The following MTRF1 variants were observed in gnomAD, a reference collection of about 807,000 sequenced individuals.
The protein encoded by MTRF1 is peptide chain release factor 1, mitochondrial.
MTRF1 carries 51 observed loss-of-function variants against 62.9 expected under a neutral mutation model. The observed-to-expected ratio is 0.81, with a 90% CI of 0.65 to 1.02. The LOEUF (loss-of-function observed/expected upper bound fraction) is 1.02, where lower values mean the gene tolerates loss of function less well. Among genes scored for constraint, MTRF1 ranks in the 50% least tolerant of loss-of-function variants. MTRF1 has a pLI of 0.00. For synonymous variants in MTRF1, 158 were observed against 181.9 expected (o/e 0.87, Z 1.06); for missense variants, 446 against 530.0 (o/e 0.84, Z 1.56).
chr13:41,242,455 T>C (rs542060554), intron 5 of MTRF1, among the ~76,000 whole-genome samples: 2 of 152,206 alleles, frequency 1.3e-5, no homozygotes, highest in Admixed American at 1.3e-4. Flanking sequence ...AAGAGAAAAA[T>C]AGTATTTGAA....
At chr13:41,269,740 A>AT in the MTRF1 span, among the ~76,000 whole-genome samples, 1 of 152,112 alleles carries the variant, frequency 6.6e-6, no homozygotes, top group Admixed American at 6.5e-5. Flanking sequence ...TCATTTACCT[A>AT]TTTTAGTTAT....
intron 5 of MTRF1, among the ~76,000 whole-genome samples, chr13:41,240,667 GTAAT>G (rs987481915): frequency 6.6e-6 from 1 of 152,070 alleles, no homozygotes; most frequent in African/African-American, 2.4e-5. Context: ...ATACCAAAAT[GTAAT>G]TAATTATAGG....
At chr13:41,268,392 G>A (rs569256706), upstream of MTRF1, among the ~76,000 whole-genome samples, 226 of 152,070 alleles carry the variant, frequency 1.5e-3, no homozygotes, top group Non-Finnish European at 1.8e-3. Context: ...GTCAAATATC[G>A]AAGGTTTAAA....
At chr13:41,252,080 A>G (rs1042063255) in intron 5 of MTRF1, among the ~76,000 whole-genome samples, 2 of 152,106 alleles carry the variant, frequency 1.3e-5, no homozygotes, top group African/African-American at 2.4e-5. Context: ...GGGTTTTGCC[A>G]TGTTGGCCAG....
the MTRF1 span, chr13:41,311,176 G>A: frequency 2.5e-6 from 1 of 397,100 alleles, no homozygotes; most frequent in Non-Finnish European, 4.5e-6. Context: ...TCCCCGCTAC[G>A]CCCCCGTAGT....
intron 3 of MTRF1, among the ~76,000 whole-genome samples, chr13:41,253,386 A>G (rs1417107164): frequency 2.0e-5 from 3 of 152,234 alleles, no homozygotes; most frequent in Non-Finnish European, 4.4e-5. Flanking sequence ...TAATGAATGA[A>G]GCAAGGCTTT....
chr13:41,236,751 A>G (rs1387316955), intron 6 of MTRF1: 1 of 152,260 alleles, frequency 6.6e-6, no homozygotes, highest in Non-Finnish European at 1.5e-5. Flanking sequence ...ATGTGTGGAT[A>G]TCATATGTCA....
At chr13:41,311,442 C>T in the MTRF1 span, 1 of 1,283,010 alleles carries the variant, frequency 7.8e-7, no homozygotes. Flanking sequence ...CTCTCAGCAG[C>T]GGTTCGTCCC....
intron 6 of MTRF1, among the ~76,000 whole-genome samples, chr13:41,239,889 G>A (rs530421969): frequency 3.9e-5 from 6 of 152,192 alleles, no homozygotes; most frequent in Admixed American, 2.6e-4. Context: ...GGCTGGGTGC[G>A]GTGGCTCACA....
chr13:41,246,066 G>A (rs993899927), intron 5 of MTRF1, among the ~76,000 whole-genome samples: 2 of 152,060 alleles, frequency 1.3e-5, no homozygotes, highest in African/African-American at 4.8e-5. Flanking sequence ...CATTATTGGA[G>A]AGCGTAAACC....
At chr13:41,305,058 A>T in the MTRF1 span, among the ~76,000 whole-genome samples, 2 of 152,362 alleles carry the variant, frequency 1.3e-5, no homozygotes, top group African/African-American at 4.8e-5. Context: ...TTTCCTAAAA[A>T]ATATCCAGCT....
At chr13:41,290,645 G>A in the MTRF1 span, among the ~76,000 whole-genome samples, 7 of 151,052 alleles carry the variant, frequency 4.6e-5, no homozygotes, top group Admixed American at 2.0e-4. Context: ...CGCCCACCTC[G>A]GCCTCCCAAA....
chr13:41,284,236 A>T, the MTRF1 span, among the ~76,000 whole-genome samples: 2 of 151,516 alleles, frequency 1.3e-5, no homozygotes, highest in Non-Finnish European at 2.9e-5. Context: ...CTGTAATCCC[A>T]GCACTTTGGG....
intron 8 of MTRF1, among the ~76,000 whole-genome samples, chr13:41,223,770 C>T (rs1453452439): frequency 6.6e-6 from 1 of 152,118 alleles, no homozygotes; most frequent in East Asian, 1.9e-4. Context: ...GCGGGAGAGA[C>T]CATCTTCAGT....
In MTRF1 at chr13:41,216,796, A is replaced by C. The variant is rs2031991645; in HGVS notation, c.*319T>G. 1 of 163,988 alleles carries C rather than the reference A, an allele frequency of 6.1e-6. No individual in the cohort carries two copies. The highest frequency in any genetic ancestry group is 2.4e-5 in the African/African-American group (1 of 41,960). The allele number at this position is 163,988 out of a possible 1,614,324, so 10.2% of individuals were successfully genotyped here. On this transcript the variant is annotated 3_prime_UTR_variant, in exon 10 of 10. Transcript: ENST00000379480. ...ATTAAAAATATATTTAAATTAATTCATAGATGGCTGGGGAAAAAAGGCATA... is the reference window on the plus strand; with the variant it reads ...ATTAAAAATATATTTAAATTAATTCCTAGATGGCTGGGGAAAAAAGGCATA...
upstream of MTRF1, among the ~76,000 whole-genome samples, chr13:41,267,518 T>G (rs2040854234): frequency 1.3e-5 from 2 of 152,196 alleles, no homozygotes; most frequent in African/African-American, 4.8e-5. Context: ...TCTCAGCTAT[T>G]GATTGTCTTT....
intron 7 of MTRF1, among the ~76,000 whole-genome samples, chr13:41,232,469 T>G (rs1293415220): frequency 6.6e-6 from 1 of 152,198 alleles, no homozygotes; most frequent in Non-Finnish European, 1.5e-5. Flanking sequence ...GGCATGAGTC[T>G]CTAAACTGAA....
the MTRF1 span, among the ~76,000 whole-genome samples, chr13:41,311,826 C>G: frequency 1.3e-5 from 2 of 152,350 alleles, no homozygotes; most frequent in South Asian, 4.1e-4. Context: ...CCGCCGCGCT[C>G]TTTCCAGAAA....
At position 41,249,540 on chromosome 13, in the gene MTRF1, C is replaced by CA. The variant is rs956842673; in HGVS notation, c.697+3104dup. ...TAGGTGACAGAGTGAAACTCTGCCTCAAAAAAGAAAGAAATCAATTTTTTA... is the reference window on the plus strand; with the variant it reads ...TAGGTGACAGAGTGAAACTCTGCCTCAAAAAAAGAAAGAAATCAATTTTTTA... On this transcript the variant is annotated intron_variant, in intron 5 of 9. Coordinates refer to ENST00000379480, the MANE Select transcript of MTRF1 (RefSeq NM_004294.4). 3.3e-3 allele frequency among the ~76,000 whole-genome samples: 447 copies of CA among 136,054 alleles called. 4 individuals carry two copies. Among genetic ancestry groups the CA allele is most frequent in the African/African-American group, 0.012 (420 of 36,328 alleles). 89.3% of individuals were successfully genotyped at this position (136,054 alleles called of 152,430 possible).
Sources: allele counts gnomAD v4.1 joint callset (sites outside exome capture counted in the v4.1 genomes callset), GRCh38; gene constraint gnomAD v4.1.1; transcripts MANE v1.5; gene names NCBI Gene and HGNC (gene_info 2026-07-23, HGNC 2026-07-21).